Variants in GPM6A observed in about 807,000 individuals in gnomAD.
GPM6A encodes glycoprotein M6A.
Under a neutral mutation model 32.1 loss-of-function variants are expected in GPM6A, and 7 were observed. The ratio of observed to expected loss-of-function variants is 0.22; its 90% confidence interval spans 0.12 to 0.41. GPM6A has a LOEUF of 0.41. GPM6A is among the 10% of genes least tolerant of loss of function. The pLI is 1.00. For synonymous variants in GPM6A, 130 were observed against 123.4 expected (o/e 1.05, Z -0.35); for missense variants, 235 against 347.2 (o/e 0.68, Z 2.57).
At chr4:175,837,432 C>T (rs940652973) in intron 1 of GPM6A, among the ~76,000 whole-genome samples, 1 of 152,110 alleles carries the variant, frequency 6.6e-6, no homozygotes, top group African/African-American at 2.4e-5. Flanking sequence ...TGAGAATAAC[C>T]GGGAGCAAGA....
At chr4:175,719,152 A>T (rs1745987925) in intron 1 of GPM6A, among the ~76,000 whole-genome samples, 1 of 152,112 alleles carries the variant, frequency 6.6e-6, no homozygotes, top group African/African-American at 2.4e-5. Flanking sequence ...ACATATTTTT[A>T]AAATTCTATC....
At position 175,892,814 on chromosome 4, in the gene GPM6A, C is replaced by T. The variant is rs145501219; in HGVS notation, c.-22-80565G>A. Reference sequence around the variant, plus strand: ...CTCTTGCTAAACTCAATAAAAGCTCCGTCTTCCAGATTTTTACCTATATTG... The same window carrying T: ...CTCTTGCTAAACTCAATAAAAGCTCTGTCTTCCAGATTTTTACCTATATTG... On this transcript the variant is annotated intron_variant, in intron 1 of 7. Transcript: ENST00000280187. Among the ~76,000 whole-genome samples the T allele has an allele frequency of 1.8e-4, 28 of 152,318 alleles. 1 individual carries two copies. Among genetic ancestry groups the T allele is most frequent in the Admixed American group, 8.5e-4 (13 of 15,306 alleles).
chr4:175,789,855 A>G (rs1182876333), intron 1 of GPM6A, among the ~76,000 whole-genome samples: 4 of 152,174 alleles, frequency 2.6e-5, no homozygotes, highest in Admixed American at 2.6e-4. Context: ...TTTGTATGCC[A>G]TCTGCGGATA....
intron 4 of GPM6A, among the ~76,000 whole-genome samples, chr4:175,645,240 A>G (rs762514185): frequency 3.9e-5 from 6 of 152,220 alleles, no homozygotes; most frequent in Non-Finnish European, 8.8e-5. Flanking sequence ...TTTTCATGCT[A>G]GCTAAACACA....
chr4:175,720,305 C>G (rs1404007833), intron 1 of GPM6A, among the ~76,000 whole-genome samples: 1 of 152,140 alleles, frequency 6.6e-6, no homozygotes, highest in Non-Finnish European at 1.5e-5. Context: ...TCACATAAAT[C>G]TTTTTATTTC....
At chr4:175,978,981 C>G (rs1046461756) in intron 1 of GPM6A, among the ~76,000 whole-genome samples, 1 of 150,694 alleles carries the variant, frequency 6.6e-6, no homozygotes, top group Non-Finnish European at 1.5e-5. Context: ...AAAAAAAAAT[C>G]CAAATTGAAT....
rs757126719 is a variant in GPM6A at position 175,634,872 on chromosome 4, C to A, written c.*33G>T. 6.3e-7 allele frequency: 1 copy of A among 1,589,574 alleles called. No homozygotes were observed. Among genetic ancestry groups the A allele is most frequent in the Non-Finnish European group, 8.6e-7 (1 of 1,160,166 alleles). On this transcript the variant is annotated 3_prime_UTR_variant, in exon 7 of 7. Coordinates refer to ENST00000393658, the MANE Select transcript of GPM6A (RefSeq NM_201591.3). ...GATGGCCCTTAGTTAAACACCAATG[C>A]ATTCAAATGGTAGAAAGAACAGGAA...
At chr4:175,684,770 A>G (rs1743879698) in intron 2 of GPM6A, among the ~76,000 whole-genome samples, 1 of 152,194 alleles carries the variant, frequency 6.6e-6, no homozygotes, top group Non-Finnish European at 1.5e-5. Context: ...TGTTTTAATC[A>G]GAGGGGCTTT....
intron 1 of GPM6A, among the ~76,000 whole-genome samples, chr4:175,711,720 G>C (rs1408378807): frequency 8.1e-6 from 1 of 124,084 alleles, no homozygotes; most frequent in East Asian, 2.5e-4. Flanking sequence ...TAGTTTGGGT[G>C]GGGGGTGGGG....
At chr4:175,970,913 T>C (rs1218196981) in intron 1 of GPM6A, 4 of 454,274 alleles carry the variant, frequency 8.8e-6, no homozygotes, top group Non-Finnish European at 1.8e-5. Flanking sequence ...CCCTTTTTTT[T>C]CCCAACTGAA....
intron 1 of GPM6A, among the ~76,000 whole-genome samples, chr4:175,794,780 A>T (rs1734152057): frequency 6.6e-6 from 1 of 152,134 alleles, no homozygotes. Context: ...ATGCTGAGAG[A>T]CTATTTCAAT....
chr4:175,676,763 AG>A (rs1212721855), intron 2 of GPM6A, among the ~76,000 whole-genome samples: 1 of 152,162 alleles, frequency 6.6e-6, no homozygotes, highest in Non-Finnish European at 1.5e-5. Context: ...AAAATGTGAA[AG>A]GAAAAAAAAG....
intron 1 of GPM6A, among the ~76,000 whole-genome samples, chr4:175,998,499 C>A (rs933932343): frequency 6.6e-6 from 1 of 152,170 alleles, no homozygotes; most frequent in Non-Finnish European, 1.5e-5. Flanking sequence ...AAATTAATTT[C>A]TTGTCCAAAA....
intron 3 of GPM6A, among the ~76,000 whole-genome samples, chr4:175,672,489 G>C (rs1199551390): frequency 6.6e-6 from 1 of 152,166 alleles, no homozygotes; most frequent in Non-Finnish European, 1.5e-5. Flanking sequence ...ATCGGAATTT[G>C]CCTTTTTACT....
At chr4:175,651,809 G>A in intron 4 of GPM6A, 25 bp downstream of exon 4, 1 of 1,595,548 alleles carries the variant, frequency 6.3e-7, no homozygotes, top group Non-Finnish European at 8.6e-7. Flanking sequence ...GTGTTTTACA[G>A]TTTAGAGATC....
chr4:175,971,189 T>C (rs1740490693), intron 1 of GPM6A, among the ~76,000 whole-genome samples: 1 of 151,514 alleles, frequency 6.6e-6, no homozygotes, highest in African/African-American at 2.4e-5. Flanking sequence ...TGGTTTGGAT[T>C]AAAACTGTAG....
intron 1 of GPM6A, among the ~76,000 whole-genome samples, chr4:175,859,963 A>G (rs1039979518): frequency 2.6e-5 from 4 of 152,182 alleles, no homozygotes; most frequent in Admixed American, 6.6e-5. Context: ...GTCAAAAATG[A>G]CATTTTGAGA....
intron 1 of GPM6A, among the ~76,000 whole-genome samples, chr4:175,931,318 C>A (rs1678467756): frequency 6.6e-6 from 1 of 152,070 alleles, no homozygotes; most frequent in South Asian, 2.1e-4. Flanking sequence ...CCTCACATTC[C>A]CAGATGCTCT....
At chr4:175,893,442 G>T (rs2111479563) in intron 1 of GPM6A, among the ~76,000 whole-genome samples, 1 of 152,184 alleles carries the variant, frequency 6.6e-6, no homozygotes, top group Admixed American at 6.5e-5. Flanking sequence ...GGTAATAAAA[G>T]CATGGAGTAC....
Sources: gnomAD v4.1 joint callset for allele counts (sites outside exome capture counted in the v4.1 genomes callset) on GRCh38, gnomAD v4.1.1 for gene constraint, MANE v1.5 for transcripts, NCBI Gene and HGNC (gene_info 2026-07-23, HGNC 2026-07-21) for gene names.